Variants in XRN1 observed in about 807,000 individuals in gnomAD.
XRN1 encodes the protein strand-exchange protein 1 homolog.
In XRN1, 67 loss-of-function variants were observed where a neutral mutation model predicts 222.3. That is an observed-to-expected ratio of 0.30 (90% confidence interval 0.25 to 0.37). The LOEUF (loss-of-function observed/expected upper bound fraction) is 0.37. XRN1 is among the 10% of genes least tolerant of loss of function. The pLI, the probability that XRN1 is intolerant of heterozygous loss-of-function variation, is 1.00. For synonymous variants in XRN1, 643 were observed against 652.4 expected, an observed-to-expected ratio of 0.99 and a Z score of 0.22; for missense variants, 1,707 against 2,000.2, an observed-to-expected ratio of 0.85 and a Z score of 2.80.
At chr3:142,431,814 T>C (rs1203371180) in intron 2 of XRN1, among the ~76,000 whole-genome samples, 2 of 118,366 alleles carry the variant, frequency 1.7e-5, no homozygotes, top group Non-Finnish European at 3.4e-5. Flanking sequence ...CAAAACTCCA[T>C]CTCAAAAAAA....
intron 33 of XRN1, among the ~76,000 whole-genome samples, chr3:142,335,849 A>C (rs1396483292): frequency 6.6e-6 from 1 of 152,236 alleles, no homozygotes; most frequent in Non-Finnish European, 1.5e-5. Flanking sequence ...ATGGAGCTTG[A>C]GAGAACTAAA....
rs748885156 is a variant in XRN1, at chr3:142,347,189, AAAG to A, written c.3877+42_3877+44del. 1.6e-5 allele frequency: 20 copies of A among 1,268,122 alleles called. No individual in the cohort carries two copies. In the Admixed American group the frequency reaches 3.1e-4, roughly 20 times the overall value. 78.6% of individuals were successfully genotyped at this position (1,268,122 alleles called of 1,614,324 possible). ...TCAATAAAATGTTTATTTTTTTAAA[AAAG>A]AAGCAGCACACACAAGTACACCTTT... On this transcript the variant is annotated intron_variant, in intron 33 of 40. Transcript: ENST00000392981.
intron 37 of XRN1, among the ~76,000 whole-genome samples, chr3:142,329,207 G>A (rs1293037918): frequency 6.6e-6 from 1 of 152,134 alleles, no homozygotes; most frequent in African/African-American, 2.4e-5. Context: ...CTATTAGTTT[G>A]AGGAATCTTG....
At chr3:142,421,242 G>C in intron 9 of XRN1, 89 bp from the exon 10 acceptor site, 1 of 1,255,100 alleles carries the variant, frequency 8.0e-7, no homozygotes, top group Non-Finnish European at 1.1e-6. Flanking sequence ...CTACTACTGG[G>C]GTATAGGAAA....
chr3:142,418,836 C>T lies in XRN1; in HGVS notation c.1219G>A (p.Gly407Ser). 6.2e-7 allele frequency: 1 copy of T among 1,613,996 alleles called. No individual in the cohort carries two copies. The highest frequency in any genetic ancestry group is 8.5e-7 in the Non-Finnish European group (1 of 1,179,934). The change falls in exon 11 of 41, where the codon GGC becomes AGC. Residue 407 changes from glycine to serine, a missense_variant. Coordinates refer to ENST00000392981, the MANE Select transcript of XRN1 (RefSeq NM_001282857.2). The part of the protein sequence containing the change: ...LCWTALDKNE[G>S]EMITSKDNLE... Reference sequence around the variant, plus strand: ...TTACCCTTAGAAGTTATCATTTCGCCTTCATTTTTGTCTAAAGCAGTCCAA... The same window carrying T: ...TTACCCTTAGAAGTTATCATTTCGCTTTCATTTTTGTCTAAAGCAGTCCAA...
chr3:142,440,986 G>A (rs972314105), intron 1 of XRN1, among the ~76,000 whole-genome samples: 2 of 152,126 alleles, frequency 1.3e-5, no homozygotes, highest in Non-Finnish European at 2.9e-5. Context: ...TTCGGTACGC[G>A]GATGATTTAC....
chr3:142,399,099 A>G (rs1318136512), intron 19 of XRN1, among the ~76,000 whole-genome samples: 1 of 152,086 alleles, frequency 6.6e-6, no homozygotes, highest in Non-Finnish European at 1.5e-5. Context: ...AGAATATTCA[A>G]CATAGTTAAA....
intron 25 of XRN1, among the ~76,000 whole-genome samples, chr3:142,375,477 C>A (rs2067116034): frequency 6.6e-6 from 1 of 152,090 alleles, no homozygotes; most frequent in Non-Finnish European, 1.5e-5. Context: ...ATGCTAAGAG[C>A]TTTGTTTATC....
At chr3:142,351,752 T>C (rs1172247052) in intron 32 of XRN1, among the ~76,000 whole-genome samples, 1 of 152,032 alleles carries the variant, frequency 6.6e-6, no homozygotes, top group Non-Finnish European at 1.5e-5. Flanking sequence ...TACTAATCTA[T>C]ATCTCTGATT....
At chr3:142,313,140 C>A in intron 39 of XRN1, 3 of 1,612,044 alleles carry the variant, frequency 1.9e-6, no homozygotes, top group Non-Finnish European at 1.7e-6. Context: ...TCTCACCTGC[C>A]CCCAATGCAT....
chr3:142,351,219 T>C (rs2066295850), intron 32 of XRN1, among the ~76,000 whole-genome samples: 2 of 152,192 alleles, frequency 1.3e-5, no homozygotes, highest in South Asian at 4.1e-4. Flanking sequence ...AATTTAGCCC[T>C]AGAGGATTCC....
rs536701666 is a variant in XRN1, at chr3:142,405,812, A to G, written c.1714-736T>C. Among the ~76,000 whole-genome samples the G allele has an allele frequency of 3.9e-5, 6 of 152,322 alleles. No homozygotes were observed. In the South Asian group the frequency reaches 1.2e-3, roughly 32 times the overall value. On this transcript the variant is annotated intron_variant, in intron 15 of 40. Coordinates refer to ENST00000392981, the MANE Select transcript of XRN1 (RefSeq NM_001282857.2). ...CATACACTTCTGAACTTCCTACCAT[A>G]TATAAAAACAAGTATCACAATAACA...
At chr3:142,431,879 ATATAT>A (rs2069566655) in intron 2 of XRN1, among the ~76,000 whole-genome samples, 1 of 56,798 alleles carries the variant, frequency 1.8e-5, no homozygotes, top group African/African-American at 1.2e-4. Flanking sequence ...ATTATATTAT[ATATAT>A]TATATATAAT....
chr3:142,326,799 T>C (rs1016674331), intron 37 of XRN1, among the ~76,000 whole-genome samples: 1 of 152,158 alleles, frequency 6.6e-6, no homozygotes, highest in Non-Finnish European at 1.5e-5. Context: ...ATGTTCCTTC[T>C]ATACCCAGTT....
At chr3:142,321,574 TAAC>T (rs1353696581) in intron 37 of XRN1, among the ~76,000 whole-genome samples, 2 of 152,214 alleles carry the variant, frequency 1.3e-5, no homozygotes, top group Non-Finnish European at 2.9e-5. Flanking sequence ...ACTGAGATCA[TAAC>T]AATATTAAGT....
At chr3:142,337,542 G>A (rs1399442456) in intron 33 of XRN1, among the ~76,000 whole-genome samples, 2 of 152,094 alleles carry the variant, frequency 1.3e-5, no homozygotes, top group East Asian at 3.9e-4. Flanking sequence ...TCTGCAATTT[G>A]GAAATCCTTT....
At chr3:142,443,911 G>A (rs965263576) in intron 1 of XRN1, among the ~76,000 whole-genome samples, 1 of 152,222 alleles carries the variant, frequency 6.6e-6, no homozygotes, top group African/African-American at 2.4e-5. Context: ...GAAGGAATGA[G>A]ATCCTGCCAT....
At chr3:142,337,127 C>T (rs1228436237) in intron 33 of XRN1, among the ~76,000 whole-genome samples, 1 of 152,072 alleles carries the variant, frequency 6.6e-6, no homozygotes, top group East Asian at 1.9e-4. Context: ...GGGGTCTGCA[C>T]TTGATATTTC....
chr3:142,344,415 C>A (rs1478468113), intron 33 of XRN1, among the ~76,000 whole-genome samples: 1 of 152,002 alleles, frequency 6.6e-6, no homozygotes, highest in African/African-American at 2.4e-5. Flanking sequence ...GGCAAGGATG[C>A]ATGTTCTCAC....
Sources: allele counts gnomAD v4.1 joint callset (sites outside exome capture counted in the v4.1 genomes callset), GRCh38; gene constraint gnomAD v4.1.1; transcripts MANE v1.5; gene names NCBI Gene and HGNC (gene_info 2026-07-23, HGNC 2026-07-21).